The following SVEP1 variants were observed in gnomAD, a reference collection of about 807,000 sequenced individuals.
The protein encoded by SVEP1 is sushi, von Willebrand factor type A, EGF and pentraxin domain containing 1.
SVEP1 carries 164 observed loss-of-function variants against 367.3 expected under a neutral mutation model. The ratio of observed to expected loss-of-function variants is 0.45; its 90% CI spans 0.39 to 0.51. The LOEUF (loss-of-function observed/expected upper bound fraction) is 0.51, where lower values mean the gene tolerates loss of function less well. SVEP1 is among the 20% of genes least tolerant of loss of function. The pLI, the probability that SVEP1 is intolerant of heterozygous loss-of-function variation, is 0.00. For synonymous variants in SVEP1, 1,666 were observed against 1,611.6 expected (o/e 1.03, Z -0.81); for missense variants, 4,117 against 4,425.3 (o/e 0.93, Z 1.98).
intron 27 of SVEP1, among the ~76,000 whole-genome samples, chr9:110,439,354 C>T (rs145111417): frequency 1.3e-5 from 2 of 152,238 alleles, no homozygotes; most frequent in East Asian, 3.9e-4. Context: ...TCTCAGACTT[C>T]TAGCCTGCAG....
chr9:110,447,099 G>C lies in SVEP1; in HGVS notation c.4104-42C>G, dbSNP rs766014765. 8 of 1,371,356 alleles carry C rather than the reference G, an allele frequency of 5.8e-6. No homozygotes were observed. In the Admixed American group the frequency reaches 1.6e-4, roughly 28 times the overall value. 84.9% of individuals were successfully genotyped at this position (1,371,356 alleles called of 1,614,324 possible). A position where few individuals can be genotyped will look rare whatever the true frequency, so the allele number is the denominator to read the frequency against. The stretch of plus-strand genomic sequence containing the variant: ...TGTTGTAACAATTAGAACAGTTGTA[G>C]GAAGTCTCCCATTTATGATAATCTT... On this transcript the variant is annotated intron_variant, in intron 24 of 47. Coordinates refer to ENST00000374469, the MANE Select transcript of SVEP1 (RefSeq NM_153366.4).
At chr9:110,457,391 C>T in intron 20 of SVEP1, 39 bp from the exon 21 acceptor site, 1 of 1,487,968 alleles carries the variant, frequency 6.7e-7, no homozygotes, top group African/African-American at 1.4e-5. Context: ...AGACAAAGCA[C>T]TCTATTTATT....
intron 3 of SVEP1, among the ~76,000 whole-genome samples, chr9:110,525,927 A>G (rs573060295): frequency 6.6e-5 from 10 of 152,298 alleles, no homozygotes; most frequent in Admixed American, 2.6e-4. Context: ...TGCAAAAACA[A>G]TTTAACAGAG....
chr9:110,526,920 G>A (rs1829945861), intron 3 of SVEP1, among the ~76,000 whole-genome samples: 1 of 152,046 alleles, frequency 6.6e-6, no homozygotes, highest in African/African-American at 2.4e-5. Context: ...AAAAAAGCCA[G>A]GCTCAATATG....
Position 110,472,155 on chromosome 9 carries a change from T to C in SVEP1, c.2764+4A>G, listed in dbSNP as rs1475491981. 1 of 1,609,302 alleles carries C rather than the reference T, an allele frequency of 6.2e-7. No individual in the cohort carries two copies. The highest frequency in any genetic ancestry group is 1.1e-5 in the South Asian group (1 of 89,708). Reference sequence around the variant, plus strand: ...GCTTTTTCAAATAGACAGTTTATCCTTACCTGTGATGTTAAAAATTAACTT... The same window carrying C: ...GCTTTTTCAAATAGACAGTTTATCCCTACCTGTGATGTTAAAAATTAACTT... On this transcript the variant is annotated splice_donor_region_variant and intron_variant, in intron 15 of 47. Transcript: ENST00000374469.
rs1049698538 is a variant in SVEP1 at position 110,521,112 on chromosome 9, G to A, written c.965-7006C>T. Among the ~76,000 whole-genome samples, 2 of 152,178 alleles carry A rather than the reference G, an allele frequency of 1.3e-5. 1 individual carries two copies. The highest frequency in any genetic ancestry group is 4.1e-4 in the South Asian group (2 of 4,834). Reference sequence around the variant, plus strand: ...GGAATACACTGCTCTAGAACAGAACGTGTTTTCTCCATGTTGAACCAATGT... The same window carrying A: ...GGAATACACTGCTCTAGAACAGAACATGTTTTCTCCATGTTGAACCAATGT... On this transcript the variant is annotated intron_variant, in intron 3 of 47. Coordinates refer to ENST00000374469, the MANE Select transcript of SVEP1 (RefSeq NM_153366.4).
chr9:110,472,093 A>G (rs1829027721), intron 15 of SVEP1, 66 bp downstream of exon 15: 1 of 1,450,082 alleles, frequency 6.9e-7, no homozygotes, highest in South Asian at 1.2e-5. Flanking sequence ...GGAAGATTTG[A>G]GAAGCAGGTT....
chr9:110,486,332 C>T (rs2118716412), intron 9 of SVEP1, among the ~76,000 whole-genome samples: 1 of 152,280 alleles, frequency 6.6e-6, no homozygotes, highest in South Asian at 2.1e-4. Flanking sequence ...AAGGCTCAGT[C>T]AATTACTGTC....
chr9:110,393,093 T>A (rs1468634625), intron 40 of SVEP1, among the ~76,000 whole-genome samples: 1 of 152,250 alleles, frequency 6.6e-6, no homozygotes, highest in Non-Finnish European at 1.5e-5. Flanking sequence ...AGTTAACATA[T>A]ATTTCCACAA....
intron 38 of SVEP1, among the ~76,000 whole-genome samples, chr9:110,405,730 T>C (rs920820062): frequency 2.6e-5 from 4 of 152,238 alleles, no homozygotes; most frequent in Non-Finnish European, 4.4e-5. Flanking sequence ...TCCTGATTAT[T>C]TGGCATGATC....
rs761099529 is a variant in SVEP1 at position 110,454,856 on chromosome 9, T to C, written c.3787+734A>G. Among the ~76,000 whole-genome samples the C allele has an allele frequency of 1.8e-4, 28 of 152,158 alleles. 1 individual carries two copies. The highest frequency in any genetic ancestry group is 1.4e-3 in the Admixed American group (22 of 15,264). On this transcript the variant is annotated intron_variant, in intron 22 of 47. Coordinates refer to ENST00000374469, the MANE Select transcript of SVEP1 (RefSeq NM_153366.4). ...CTGCAAAACTACATATTAGGTACTATTCTCACTACCTGGGTGATGGAATTA... is the reference window on the plus strand; with the variant it reads ...CTGCAAAACTACATATTAGGTACTACTCTCACTACCTGGGTGATGGAATTA...
rs138823596 is a variant in SVEP1, at chr9:110,432,022, C to G, written c.5246G>C (p.Cys1749Ser). 1 of 1,601,108 alleles carries G rather than the reference C, an allele frequency of 6.2e-7. No homozygotes were observed. Among genetic ancestry groups the G allele is most frequent in the Non-Finnish European group, 8.5e-7 (1 of 1,175,348 alleles). ...CTCACTACAATCTGATCCAACTGCACACTCATCGACATCTAAAATGAAGAC... is the reference window on the plus strand; with the variant it reads ...CTCACTACAATCTGATCCAACTGCAGACTCATCGACATCTAAAATGAAGAC... The part of the protein sequence containing the change: ...VSPSCLDVDE[C>S]AVGSDCSEHA... Residue 1749 changes from cysteine (C) to serine (S), a missense_variant, in exon 32 of 48, where the codon TGT becomes TCT. By Grantham distance (112) the Cys-to-Ser change is moderately radical. This residue lies in a region of SVEP1 where 2,174 missense variants were observed against 2,494.3 expected (regional missense o/e 0.87). Transcript: ENST00000374469.
At chr9:110,563,897 A>G (rs991988386) in intron 1 of SVEP1, among the ~76,000 whole-genome samples, 1 of 152,154 alleles carries the variant, frequency 6.6e-6, no homozygotes, top group Admixed American at 6.6e-5. Flanking sequence ...TCTACTGGTA[A>G]TAAAACCAAA....
intron 43 of SVEP1, among the ~76,000 whole-genome samples, chr9:110,384,609 A>C (rs537603930): frequency 8.5e-6 from 1 of 118,170 alleles, no homozygotes; most frequent in Non-Finnish European, 1.9e-5. Flanking sequence ...TATTCTTCAA[A>C]TCTATAAGAA....
chr9:110,381,092 T>C (rs1827427276), intron 43 of SVEP1, among the ~76,000 whole-genome samples: 1 of 152,174 alleles, frequency 6.6e-6, no homozygotes, highest in South Asian at 2.1e-4. Flanking sequence ...TTATTGTCTA[T>C]TTGATTCTTC....
chr9:110,457,307 AGGTTCC>A lies in SVEP1; in HGVS notation c.3616_3621del (p.Gly1206_Thr1207del). The A allele has an allele frequency of 6.2e-7, 1 of 1,612,826 alleles. No individual in the cohort carries two copies. The highest frequency in any genetic ancestry group is 1.1e-5 in the South Asian group (1 of 90,778). On this transcript the variant is annotated inframe_deletion, in exon 21 of 48. Coordinates refer to ENST00000374469, the MANE Select transcript of SVEP1 (RefSeq NM_153366.4). ...ACATAACCACGCCCAAGTTGCTGGC[AGGTTCC>A]ACTATTGTGGCAAGGGTTAAAGAAG...
intron 5 of SVEP1, among the ~76,000 whole-genome samples, chr9:110,510,618 T>G (rs1179310945): frequency 6.6e-6 from 1 of 152,092 alleles, no homozygotes; most frequent in Non-Finnish European, 1.5e-5. Context: ...TCTTACAGCT[T>G]TAGGATCAGA....
intron 46 of SVEP1, among the ~76,000 whole-genome samples, chr9:110,372,139 T>G (rs949579147): frequency 2.0e-5 from 3 of 152,236 alleles, no homozygotes; most frequent in Admixed American, 6.5e-5. Flanking sequence ...TTGTGGTCCA[T>G]GCCTTTAGCT....
At chr9:110,409,023 AGTG>A in intron 37 of SVEP1, 72 bp from the exon 38 acceptor site, 1 of 1,480,690 alleles carries the variant, frequency 6.8e-7, no homozygotes. Flanking sequence ...ATCCTTGGAT[AGTG>A]AAAAAAACTA....
Sources: gnomAD v4.1 joint callset for allele counts (sites outside exome capture counted in the v4.1 genomes callset) on GRCh38, gnomAD v4.1.1 for gene constraint, gnomAD v4.1.1 regional missense constraint, MANE v1.5 for transcripts, NCBI Gene and HGNC (gene_info 2026-07-23, HGNC 2026-07-21) for gene names.